Variants in SEPTIN7 observed in about 807,000 individuals in gnomAD.
SEPTIN7 encodes septin 7.
In SEPTIN7, 10 loss-of-function variants were observed where a neutral mutation model predicts 63.3. That is an observed-to-expected ratio of 0.16 (90% CI 0.10 to 0.27). SEPTIN7 has a LOEUF of 0.27. Among genes scored for constraint, SEPTIN7 ranks in the 10% least tolerant of loss-of-function variants. The probability of loss-of-function intolerance (pLI) is 1.00; values close to 1 mark genes in which losing one functional copy is unlikely to be tolerated. For missense variants in SEPTIN7, 310 were observed against 521.0 expected, an observed-to-expected ratio of 0.59 and a Z score of 3.94; for synonymous variants, 131 against 165.3, an observed-to-expected ratio of 0.79 and a Z score of 1.59.
intron 1 of SEPTIN7, among the ~76,000 whole-genome samples, chr7:35,802,969 A>T (rs191543369): frequency 3.3e-5 from 5 of 152,242 alleles, no homozygotes; most frequent in African/African-American, 1.2e-4. Flanking sequence ...GTCTTATTCT[A>T]TGATGGGACA....
rs529721471 is a variant in SEPTIN7 at position 35,849,910 on chromosome 7, C to G, written c.170-13642C>G. Among the ~76,000 whole-genome samples the G allele has an allele frequency of 1.1e-3, 169 of 152,274 alleles. 1 individual carries two copies. Among genetic ancestry groups the G allele is most frequent in the African/African-American group, 3.9e-3 (162 of 41,556 alleles). On this transcript the variant is annotated intron_variant, in intron 3 of 13. Transcript: ENST00000350320. Reference sequence around the variant, plus strand: ...GTTTACCTGGTTGTGTTGAAGCCTGCTTTATTAGGATCCTTTCCTGTGGGG... The same window carrying G: ...GTTTACCTGGTTGTGTTGAAGCCTGGTTTATTAGGATCCTTTCCTGTGGGG...
chr7:35,885,236 C>T (rs1014607200), intron 9 of SEPTIN7, among the ~76,000 whole-genome samples: 2 of 152,066 alleles, frequency 1.3e-5, no homozygotes, highest in Non-Finnish European at 2.9e-5. Context: ...ACCTGTGTAC[C>T]TTGTTCCCAG....
intron 1 of SEPTIN7, among the ~76,000 whole-genome samples, chr7:35,806,101 A>G (rs1370517083): frequency 6.6e-6 from 1 of 152,224 alleles, no homozygotes; most frequent in African/African-American, 2.4e-5. Context: ...GCCAAATGTC[A>G]CGTGGGGGAG....
At chr7:35,876,933 C>T (rs1256977396) in intron 6 of SEPTIN7, among the ~76,000 whole-genome samples, 1 of 152,000 alleles carries the variant, frequency 6.6e-6, no homozygotes, top group Non-Finnish European at 1.5e-5. Flanking sequence ...TGTGCCACTG[C>T]ACTCCAGACT....
At chr7:35,880,117 G>T (rs1384579010) in intron 7 of SEPTIN7, among the ~76,000 whole-genome samples, 177 bp downstream of exon 7, 6 of 149,852 alleles carry the variant, frequency 4.0e-5, no homozygotes, top group Admixed American at 4.0e-4. Context: ...AAATATGGCT[G>T]TTTTAAGTGT....
At chr7:35,877,970 GTAA>G (rs1418644744) in intron 6 of SEPTIN7, among the ~76,000 whole-genome samples, 1 of 152,160 alleles carries the variant, frequency 6.6e-6, no homozygotes, top group Non-Finnish European at 1.5e-5. Context: ...AACCTATTTT[GTAA>G]TAATGTGTTG....
At chr7:35,835,411 C>A (rs1348562386) in intron 3 of SEPTIN7, among the ~76,000 whole-genome samples, 3 of 152,168 alleles carry the variant, frequency 2.0e-5, no homozygotes, top group Admixed American at 6.6e-5. Flanking sequence ...ACGATTCTTA[C>A]AACAGCCCTA....
rs1788597983 is a variant in SEPTIN7 at position 35,906,131 on chromosome 7, T to G, written c.*1838T>G. The stretch of plus-strand genomic sequence containing the variant: ...CTACTGAATTTGGAAAATGCAAAGG[T>G]AAAAAATGTATATAGACTGCCTGCT... On this transcript the variant is annotated 3_prime_UTR_variant, in exon 14 of 14. Coordinates refer to ENST00000350320, the MANE Select transcript of SEPTIN7 (RefSeq NM_001788.6). 1 of 152,136 alleles carries G rather than the reference T, an allele frequency of 6.6e-6. No individual in the cohort carries two copies. Among genetic ancestry groups the G allele is most frequent in the African/African-American group, 2.4e-5 (1 of 41,408 alleles). 9.4% of individuals were successfully genotyped at this position (152,136 alleles called of 1,614,324 possible).
At chr7:35,812,780 C>T (rs1788809401) in intron 1 of SEPTIN7, among the ~76,000 whole-genome samples, 1 of 152,176 alleles carries the variant, frequency 6.6e-6, no homozygotes, top group African/African-American at 2.4e-5. Context: ...ATTACTATAC[C>T]TAAAACATTA....
intron 7 of SEPTIN7, among the ~76,000 whole-genome samples, chr7:35,880,769 A>C (rs560094903): frequency 2.4e-4 from 36 of 152,212 alleles, no homozygotes; most frequent in African/African-American, 8.2e-4. Flanking sequence ...TAAGAGTCTC[A>C]TGCTGTATGA....
intron 11 of SEPTIN7, among the ~76,000 whole-genome samples, chr7:35,896,124 A>G (rs1408176827): frequency 6.6e-6 from 1 of 152,208 alleles, no homozygotes; most frequent in African/African-American, 2.4e-5. Context: ...GATTTGAAAC[A>G]TCATTGCATG....
Position 35,903,142 on chromosome 7 carries a change from C to A in SEPTIN7, c.1201C>A (p.Arg401Ser). ...EAQHKELEEKRRQFEDEKANW... is the reference protein window; with the variant it reads ...EAQHKELEEKSRQFEDEKANW... ...ACAGCACAAAGAATTGGAGGAAAAA[C>A]GTCGTCAGTTCGAGGATGAGAAAGC... The change falls in exon 13 of 14, where the codon CGT (arginine) becomes AGT (serine). Residue 401 changes from arginine to serine, a missense_variant. This residue lies in a region of SEPTIN7 where 255 missense variants were observed against 490.5 expected (regional missense o/e 0.52). Transcript: ENST00000350320. 1 of 1,598,160 alleles carries A rather than the reference C, an allele frequency of 6.3e-7. No individual in the cohort carries two copies. The highest frequency in any genetic ancestry group is 8.5e-7 in the Non-Finnish European group (1 of 1,173,274).
chr7:35,888,313 T>C (rs1047139219), intron 10 of SEPTIN7, among the ~76,000 whole-genome samples: 1 of 152,184 alleles, frequency 6.6e-6, no homozygotes, highest in African/African-American at 2.4e-5. Flanking sequence ...AAAATCAGAA[T>C]TATGTAGTCG....
At chr7:35,867,832 C>T (rs189596626) in intron 4 of SEPTIN7, among the ~76,000 whole-genome samples, 10 of 151,358 alleles carry the variant, frequency 6.6e-5, no homozygotes, top group Non-Finnish European at 1.0e-4. Context: ...TTGGAAACTA[C>T]GCTGCTCCCC....
At chr7:35,841,149 A>G (rs1213808160) in intron 3 of SEPTIN7, among the ~76,000 whole-genome samples, 1 of 151,830 alleles carries the variant, frequency 6.6e-6, no homozygotes, top group Non-Finnish European at 1.5e-5. Flanking sequence ...TGAACCCGGG[A>G]GGCAGGGGTT....
intron 4 of SEPTIN7, among the ~76,000 whole-genome samples, chr7:35,868,618 G>C (rs1034330939): frequency 6.6e-6 from 1 of 152,098 alleles, no homozygotes; most frequent in Admixed American, 6.5e-5. Context: ...TTAAGGAAGG[G>C]ATGAAAAGGG....
rs370557665 is a variant in SEPTIN7, at chr7:35,822,658, C to T, written c.62-8834C>T. On this transcript the variant is annotated intron_variant, in intron 1 of 13. Coordinates refer to ENST00000350320, the MANE Select transcript of SEPTIN7 (RefSeq NM_001788.6). ...GCCCAGTTCCTAACAGGCCACAGAC[C>T]GCTACCAGTCCATGGCCTGGAAGTT... Among the ~76,000 whole-genome samples, 89 of 152,244 alleles carry T rather than the reference C, an allele frequency of 5.8e-4. 1 individual carries two copies. The highest frequency in any genetic ancestry group is 2.0e-3 in the African/African-American group (83 of 41,542).
chr7:35,805,343 G>T (rs1327301060), intron 1 of SEPTIN7, among the ~76,000 whole-genome samples: 2 of 152,100 alleles, frequency 1.3e-5, no homozygotes, highest in African/African-American at 4.8e-5. Context: ...CATACTGCAT[G>T]ACTATACTGC....
chr7:35,895,381 A>G (rs1173302853), intron 11 of SEPTIN7, among the ~76,000 whole-genome samples: 6 of 152,220 alleles, frequency 3.9e-5, no homozygotes, highest in Non-Finnish European at 7.3e-5. Flanking sequence ...TTCATTTTAA[A>G]TATGCATGAA....
Sources: allele counts gnomAD v4.1 joint callset (sites outside exome capture counted in the v4.1 genomes callset), GRCh38; gene constraint gnomAD v4.1.1; regional missense constraint gnomAD v4.1.1; transcripts MANE v1.5; gene names NCBI Gene and HGNC (gene_info 2026-07-23, HGNC 2026-07-21).